Variants in PTPRN2 observed in about 807,000 individuals in gnomAD.
The protein encoded by PTPRN2 is receptor-type tyrosine-protein phosphatase N2.
A neutral mutation model predicts 118.8 loss-of-function variants in PTPRN2; 74 were observed. That is an observed-to-expected ratio of 0.62 (90% CI 0.52 to 0.76). The LOEUF is 0.76. PTPRN2 is among the 30% of genes least tolerant of loss of function. The pLI is 0.00. For missense variants in PTPRN2, 1,481 were observed against 1,394.4 expected (o/e 1.06, Z -0.99); for synonymous variants, 641 against 608.0 (o/e 1.05, Z -0.80).
At chr7:157,911,772 T>A (rs913056557) in intron 11 of PTPRN2, among the ~76,000 whole-genome samples, 1 of 151,558 alleles carries the variant, frequency 6.6e-6, no homozygotes, top group African/African-American at 2.4e-5. Context: ...GTATGTAGAC[T>A]TTTTTTTTCA....
chr7:158,172,998 C>G (rs1229522625), intron 5 of PTPRN2, among the ~76,000 whole-genome samples: 1 of 148,454 alleles, frequency 6.7e-6, no homozygotes, highest in African/African-American at 2.5e-5. Context: ...CAGCAGCATC[C>G]CACCAATATC....
intron 12 of PTPRN2, among the ~76,000 whole-genome samples, chr7:157,724,154 C>T (rs1225095959): frequency 6.6e-6 from 1 of 151,852 alleles, no homozygotes; most frequent in Non-Finnish European, 1.5e-5. Flanking sequence ...TTTAGGCTTC[C>T]CTCGTCTGAA....
intron 12 of PTPRN2, among the ~76,000 whole-genome samples, chr7:157,771,923 G>GAGACACACAC (rs1563091176): frequency 2.1e-5 from 3 of 143,682 alleles, no homozygotes; most frequent in Non-Finnish European, 3.0e-5. Context: ...CAAACACACA[G>GAGACACACAC]AGACACACAC....
rs1802739527 is a variant in PTPRN2 at position 157,615,855 on chromosome 7, G to A, written c.2344+5507C>T. ...GGTGCGCGAGGCCCTGGGCTCCACC[G>A]AAGACCTTAAGGAAAAGACTCTGGA... On this transcript the variant is annotated intron_variant, in intron 15 of 22. Coordinates refer to ENST00000389418, the MANE Select transcript of PTPRN2 (RefSeq NM_002847.5). The surrounding 1 kb of genome is among the most constrained non-coding windows in gnomAD (Gnocchi z 4.3). 1 of 352,372 alleles carries A rather than the reference G, an allele frequency of 2.8e-6. No homozygotes were observed. The highest frequency in any genetic ancestry group is 2.2e-5 in the South Asian group (1 of 46,276). 21.8% of individuals were successfully genotyped at this position (352,372 alleles called of 1,614,324 possible).
chr7:158,071,106 TGGTGGTGGAGGTG>T lies in PTPRN2; in HGVS notation c.1723+10179_1723+10191del, dbSNP rs1320339150. Among the ~76,000 whole-genome samples, 35 of 78,782 alleles carry T rather than the reference TGGTGGTGGAGGTG, an allele frequency of 4.4e-4. 1 individual carries two copies. Among genetic ancestry groups the T allele is most frequent in the African/African-American group, 1.1e-3 (19 of 16,918 alleles). 51.7% of individuals were successfully genotyped at this position (78,782 alleles called of 152,430 possible). ...GTGCCCGTGGTGGTGGAGGTGCTCG[TGGTGGTGGAGGTG>T]CCCGTGGTGGTGGAGGTGCTCGTGG... is the stretch of plus-strand genomic sequence containing the variant. On this transcript the variant is annotated intron_variant, in intron 11 of 22. Transcript: ENST00000389418.
At chr7:158,307,910 A>T (rs1801412969) in intron 3 of PTPRN2, among the ~76,000 whole-genome samples, 1 of 151,998 alleles carries the variant, frequency 6.6e-6, no homozygotes, top group South Asian at 2.1e-4. Flanking sequence ...AGGAAGGGAG[A>T]CCTGAGCTAG....
intron 12 of PTPRN2, among the ~76,000 whole-genome samples, chr7:157,873,368 G>A (rs1433075592): frequency 2.0e-5 from 3 of 152,262 alleles, no homozygotes; most frequent in Non-Finnish European, 2.9e-5. Flanking sequence ...CGCTTCCCTG[G>A]AGAAACCCCC....
chr7:158,337,672 C>A (rs1586356019), intron 2 of PTPRN2, among the ~76,000 whole-genome samples: 1 of 148,812 alleles, frequency 6.7e-6, no homozygotes, highest in South Asian at 2.2e-4. Context: ...TTGGTGACAC[C>A]TGCAGACGTC....
intron 12 of PTPRN2, among the ~76,000 whole-genome samples, chr7:157,860,556 A>G (rs1399355145): frequency 6.6e-6 from 1 of 152,240 alleles, no homozygotes; most frequent in Non-Finnish European, 1.5e-5. Flanking sequence ...GAGTCCACAT[A>G]TCTAATTGAG....
At chr7:158,585,380 G>T (rs1474862134) in intron 1 of PTPRN2, among the ~76,000 whole-genome samples, 2 of 152,198 alleles carry the variant, frequency 1.3e-5, no homozygotes, top group Non-Finnish European at 2.9e-5. Context: ...AATTACCTGA[G>T]AATGTAGGTG....
chr7:157,727,743 A>C (rs1485800827), intron 12 of PTPRN2, among the ~76,000 whole-genome samples: 1 of 152,178 alleles, frequency 6.6e-6, no homozygotes, highest in Non-Finnish European at 1.5e-5. Flanking sequence ...GGCTTGAGAG[A>C]ACCAGAAGTG....
intron 12 of PTPRN2, among the ~76,000 whole-genome samples, chr7:157,688,516 G>A (rs1413588887): frequency 1.3e-5 from 2 of 152,160 alleles, no homozygotes; most frequent in East Asian, 3.9e-4. Flanking sequence ...CAGACTCAGC[G>A]GATCACACTT....
At chr7:158,417,615 A>G (rs113174617) in intron 2 of PTPRN2, among the ~76,000 whole-genome samples, 7 of 135,848 alleles carry the variant, frequency 5.2e-5, no homozygotes, top group South Asian at 2.5e-4. Flanking sequence ...TCAGTGTCCC[A>G]CTGTGTTAAG....
At chr7:158,291,895 A>C (rs2151023031) in intron 3 of PTPRN2, among the ~76,000 whole-genome samples, 1 of 152,320 alleles carries the variant, frequency 6.6e-6, no homozygotes, top group South Asian at 2.1e-4. Context: ...GGAGTGTAAA[A>C]GCCATTTCCA....
intron 12 of PTPRN2, among the ~76,000 whole-genome samples, chr7:157,704,993 C>T (rs1220886153): frequency 2.0e-5 from 3 of 152,150 alleles, no homozygotes; most frequent in Non-Finnish European, 4.4e-5. Flanking sequence ...TGACAATAAT[C>T]CTGTGAGGTG....
chr7:157,656,013 C>T (rs547740697), intron 14 of PTPRN2, among the ~76,000 whole-genome samples: 1 of 144,224 alleles, frequency 6.9e-6, no homozygotes, highest in Admixed American at 7.1e-5. Context: ...GCTTCCGAGT[C>T]AGAGGCCCAA....
intron 6 of PTPRN2, among the ~76,000 whole-genome samples, chr7:158,153,849 G>C (rs927067494): frequency 6.6e-6 from 1 of 151,642 alleles, no homozygotes; most frequent in Non-Finnish European, 1.5e-5. Flanking sequence ...GTGGTCGGGG[G>C]GACAGAGAGC....
intron 12 of PTPRN2, among the ~76,000 whole-genome samples, chr7:157,789,908 C>T (rs111163554): frequency 6.3e-4 from 86 of 135,620 alleles, no homozygotes; most frequent in Non-Finnish European, 1.2e-4. Flanking sequence ...ATGTGTGGTG[C>T]TGTGTGTGTG....
At chr7:158,262,635 CA>C (rs1249849328) in intron 3 of PTPRN2, among the ~76,000 whole-genome samples, 1 of 147,646 alleles carries the variant, frequency 6.8e-6, no homozygotes, top group Non-Finnish European at 1.5e-5. Flanking sequence ...ATTCACACTG[CA>C]AACATTCACT....
Sources: allele counts gnomAD v4.1 joint callset (sites outside exome capture counted in the v4.1 genomes callset), GRCh38; gene constraint gnomAD v4.1.1; non-coding constraint Gnocchi (gnomAD v3.1); transcripts MANE v1.5; gene names NCBI Gene and HGNC (gene_info 2026-07-23, HGNC 2026-07-21).